Variants in IL1RAPL1 observed in about 807,000 individuals in gnomAD.
IL1RAPL1 encodes the protein interleukin-1 receptor accessory protein-like 1.
Under a neutral mutation model 48.4 loss-of-function variants are expected in IL1RAPL1, and 3 were observed. The observed-to-expected ratio is 0.06, with a 90% confidence interval of 0.03 to 0.16. IL1RAPL1 has a LOEUF of 0.16. Ranked by LOEUF, IL1RAPL1 falls within the 10% of genes least tolerant of loss-of-function variation. The pLI is 1.00. For missense variants in IL1RAPL1, 349 were observed against 530.6 expected (o/e 0.66, Z 3.36); for synonymous variants, 185 against 187.7 (o/e 0.99, Z 0.12).
chrX:29,795,105 G>A (rs188127347), intron 6 of IL1RAPL1, among the ~76,000 whole-genome samples: 85 of 111,618 alleles, frequency 7.6e-4, no homozygotes, highest in South Asian at 4.9e-3. Flanking sequence ...ATAGCTTTCC[G>A]GATAGGTTTG....
intron 5 of IL1RAPL1, among the ~76,000 whole-genome samples, chrX:29,484,006 A>T (rs1284266208): frequency 0.04 from 1,363 of 33,967 alleles, 26 homozygotes; most frequent in African/African-American, 0.13. Flanking sequence ...TAGTCCATTA[A>T]AAAAAAAAAA....
intron 5 of IL1RAPL1, among the ~76,000 whole-genome samples, chrX:29,440,208 T>TA (rs750617873): frequency 9.1e-6 from 1 of 110,465 alleles, no homozygotes; most frequent in East Asian, 2.8e-4. Context: ...TAATAGTCAT[T>TA]AAAAAATAAG....
chrX:29,772,252 TAA>T lies in IL1RAPL1; in HGVS notation c.778+103763_778+103764del, dbSNP rs67864442. On this transcript the variant is annotated intron_variant, in intron 6 of 10. Coordinates refer to ENST00000378993, the MANE Select transcript of IL1RAPL1 (RefSeq NM_014271.4). ...GGTGACATTGTGAGACCCTGTTTCTTAAAAAAAAAAAAAAAAGTCAAATAGAT... is the reference window on the plus strand; with the variant it reads ...GGTGACATTGTGAGACCCTGTTTCTTAAAAAAAAAAAAAAGTCAAATAGAT... Among the ~76,000 whole-genome samples the T allele has an allele frequency of 1.0e-2, 948 of 95,016 alleles. 7 individuals carry two copies. Among genetic ancestry groups the T allele is most frequent in the African/African-American group, 0.018 (455 of 25,805 alleles). The allele number at this position is 95,016 out of a possible 115,157, so 82.5% of individuals were successfully genotyped here.
intron 2 of IL1RAPL1, among the ~76,000 whole-genome samples, chrX:29,172,788 A>G (rs1261241342): frequency 2.7e-5 from 3 of 111,943 alleles, no homozygotes; most frequent in Non-Finnish European, 5.6e-5. Flanking sequence ...TTGGGGAATC[A>G]TAATAAGAAT....
intron 2 of IL1RAPL1, among the ~76,000 whole-genome samples, chrX:28,909,714 A>G: frequency 9.0e-6 from 1 of 111,493 alleles, no homozygotes; most frequent in Non-Finnish European, 1.9e-5. Flanking sequence ...AATTTAAAGA[A>G]TTTTCCTTAA....
intron 5 of IL1RAPL1, among the ~76,000 whole-genome samples, chrX:29,441,227 T>A (rs1272949918): frequency 9.0e-6 from 1 of 111,675 alleles, no homozygotes; most frequent in Non-Finnish European, 1.9e-5. Context: ...TGTTGTGTCC[T>A]GTCTCCTATC....
intron 1 of IL1RAPL1, among the ~76,000 whole-genome samples, chrX:28,615,124 G>A (rs1417639102): frequency 9.4e-6 from 1 of 105,895 alleles, no homozygotes; most frequent in East Asian, 3.0e-4. Flanking sequence ...TCCTGACCTC[G>A]TGATCTGCCC....
chrX:29,068,051 A>T (rs752437866), intron 2 of IL1RAPL1, among the ~76,000 whole-genome samples: 1 of 111,625 alleles, frequency 9.0e-6, no homozygotes, highest in South Asian at 3.7e-4. Context: ...CTCTAGTATG[A>T]TCATCTCCAC....
At chrX:29,381,833 AATATATATATAT>A (rs35091339) in intron 3 of IL1RAPL1, among the ~76,000 whole-genome samples, 4 of 25,376 alleles carry the variant, frequency 1.6e-4, no homozygotes, top group African/African-American at 3.5e-4. Flanking sequence ...AAAAAAAAAA[AATATATATATAT>A]ATATATATAT....
chrX:29,803,400 T>TATATGTATACATGTATACAC (rs1930143863), intron 6 of IL1RAPL1, among the ~76,000 whole-genome samples: 1 of 84,517 alleles, frequency 1.2e-5, no homozygotes, highest in African/African-American at 4.8e-5. Flanking sequence ...CACATATGTA[T>TATATGTATACATGTATACAC]ATATGTGTAT....
chrX:29,244,811 C>CT (rs1255122038), intron 2 of IL1RAPL1, among the ~76,000 whole-genome samples: 2 of 109,477 alleles, frequency 1.8e-5, no homozygotes, highest in African/African-American at 3.3e-5. Context: ...TTTTTCAGTC[C>CT]TTTTTTTTTA....
chrX:29,161,760 G>C (rs1929689068), intron 2 of IL1RAPL1, among the ~76,000 whole-genome samples: 1 of 112,159 alleles, frequency 8.9e-6, no homozygotes, highest in South Asian at 3.7e-4. Flanking sequence ...CTGTTGGTGG[G>C]AGTGTAAATT....
chrX:29,183,987 TC>T (rs1005393459), intron 2 of IL1RAPL1, among the ~76,000 whole-genome samples: 15 of 112,174 alleles, frequency 1.3e-4, no homozygotes, highest in African/African-American at 4.5e-4. Context: ...GGCCACCGTG[TC>T]CAGCCCCCCT....
chrX:29,516,204 A>G (rs1375010310), intron 5 of IL1RAPL1, among the ~76,000 whole-genome samples: 1 of 112,040 alleles, frequency 8.9e-6, no homozygotes, highest in African/African-American at 3.2e-5. Context: ...CTACTAGAAA[A>G]TGTAGACATA....
chrX:29,109,030 A>C (rs1468527653), intron 2 of IL1RAPL1, among the ~76,000 whole-genome samples: 2 of 111,703 alleles, frequency 1.8e-5, no homozygotes, highest in East Asian at 5.6e-4. Flanking sequence ...AAAAAATATA[A>C]TATGCAAACT....
intron 2 of IL1RAPL1, among the ~76,000 whole-genome samples, chrX:29,123,221 G>C (rs1928833609): frequency 9.2e-6 from 1 of 109,270 alleles, no homozygotes; most frequent in Admixed American, 9.9e-5. Context: ...GTAGAGTCGG[G>C]GTTTCACCAT....
At chrX:28,773,824 A>T (rs980018755) in intron 1 of IL1RAPL1, among the ~76,000 whole-genome samples, 1 of 112,038 alleles carries the variant, frequency 8.9e-6, no homozygotes, top group Non-Finnish European at 1.9e-5. Flanking sequence ...ACTTCACAGA[A>T]ATATCTGTCT....
chrX:28,872,873 C>T (rs1034767950), intron 2 of IL1RAPL1, among the ~76,000 whole-genome samples: 5 of 111,902 alleles, frequency 4.5e-5, no homozygotes, highest in African/African-American at 1.6e-4. Flanking sequence ...TATAGTATTA[C>T]ACAAATATTA....
intron 5 of IL1RAPL1, among the ~76,000 whole-genome samples, chrX:29,508,922 A>G (rs753283607): frequency 8.9e-6 from 1 of 111,957 alleles, no homozygotes; most frequent in Non-Finnish European, 1.9e-5. Context: ...AAATTCTAAG[A>G]GTAACTTATA....
Sources: allele counts gnomAD v4.1 joint callset (sites outside exome capture counted in the v4.1 genomes callset), GRCh38; gene constraint gnomAD v4.1.1; transcripts MANE v1.5; gene names NCBI Gene and HGNC (gene_info 2026-07-23, HGNC 2026-07-21).